The following PREP variants were observed in gnomAD, a reference collection of about 807,000 sequenced individuals.
PREP encodes the protein dJ355L5.1 (prolyl endopeptidase).
PREP carries 29 observed loss-of-function variants against 87.6 expected under a neutral mutation model. The ratio of observed to expected loss-of-function variants is 0.33; its 90% CI spans 0.25 to 0.45. The LOEUF (loss-of-function observed/expected upper bound fraction) is 0.45. Among genes scored for constraint, PREP ranks in the 20% least tolerant of loss-of-function variants. The pLI, the probability that PREP is intolerant of heterozygous loss-of-function variation, is 1.00. For missense variants in PREP, 695 were observed against 886.5 expected, an observed-to-expected ratio of 0.78 and a Z score of 2.74; for synonymous variants, 337 against 328.6, an observed-to-expected ratio of 1.03 and a Z score of -0.28.
At chr6:105,293,917 C>A (rs1410763550) in intron 10 of PREP, among the ~76,000 whole-genome samples, 2 of 152,154 alleles carry the variant, frequency 1.3e-5, no homozygotes, top group Non-Finnish European at 2.9e-5. Context: ...TTGATTTAAC[C>A]AAAACTGGTT....
chr6:105,323,501 G>A (rs748888896), intron 10 of PREP, among the ~76,000 whole-genome samples, 164 bp downstream of exon 10: 2 of 152,168 alleles, frequency 1.3e-5, no homozygotes, highest in Admixed American at 6.5e-5. Flanking sequence ...CCAGCTCACT[G>A]CTGAATCCTG....
At chr6:105,397,655 C>T (rs553967645) in intron 2 of PREP, among the ~76,000 whole-genome samples, 198 bp downstream of exon 2, 11 of 152,286 alleles carry the variant, frequency 7.2e-5, no homozygotes, top group African/African-American at 2.2e-4. Context: ...CTTAGGTGAT[C>T]TTCTCTGGGA....
intron 6 of PREP, among the ~76,000 whole-genome samples, chr6:105,367,310 A>G (rs141817875): frequency 4.9e-4 from 75 of 152,324 alleles, no homozygotes; most frequent in African/African-American, 1.7e-3. Context: ...CAGTCTCCAA[A>G]TAGATCTCAG....
At chr6:105,307,154 A>G (rs1017745044) in intron 10 of PREP, among the ~76,000 whole-genome samples, 15 of 152,190 alleles carry the variant, frequency 9.9e-5, no homozygotes, top group African/African-American at 3.4e-4. Context: ...CAGACTCTGG[A>G]TGCTTACAGC....
rs1043119519 is a variant in PREP, at chr6:105,302,487, G to A, written c.1318-13593C>T. The A allele has an allele frequency of 1.4e-5, 5 of 350,446 alleles. 1 individual carries two copies. The highest frequency in any genetic ancestry group is 7.7e-5 in the East Asian group (1 of 12,982). 21.7% of individuals were successfully genotyped at this position (350,446 alleles called of 1,614,324 possible). A position where few individuals can be genotyped will look rare whatever the true frequency, so the allele number is the denominator to read the frequency against. On this transcript the variant is annotated intron_variant, in intron 10 of 14. Transcript: ENST00000652536. ...CACTGTGTACTTCTGCAGCGGGTAC[G>A]GCCGCTCCTTCCGCGGCTGCTGCTT...
At position 105,383,449 on chromosome 6, in the gene PREP, T is replaced by C. The variant is rs1772902340; in HGVS notation, c.121-5930A>G. Among the ~76,000 whole-genome samples the C allele has an allele frequency of 3.3e-5, 5 of 152,128 alleles. No homozygotes were observed. In the South Asian group the frequency reaches 1.0e-3, roughly 32 times the overall value. ...TTTTCCTGGCCCACAAGCAACCCCC[T>C]ACTCATTCTCAAGGTGGAGAAATAT... is the stretch of plus-strand genomic sequence containing the variant. On this transcript the variant is annotated intron_variant, in intron 2 of 14. Coordinates refer to ENST00000652536, the MANE Select transcript of PREP (RefSeq NM_002726.5).
At chr6:105,309,884 T>C (rs1770726819) in intron 10 of PREP, among the ~76,000 whole-genome samples, 1 of 152,226 alleles carries the variant, frequency 6.6e-6, no homozygotes, top group Non-Finnish European at 1.5e-5. Context: ...CAAGGCAATC[T>C]AGTTTCTCTC....
intron 2 of PREP, among the ~76,000 whole-genome samples, chr6:105,388,131 G>C (rs1283323582): frequency 2.0e-5 from 3 of 152,140 alleles, no homozygotes; most frequent in African/African-American, 7.2e-5. Context: ...TAGCTGTGCT[G>C]CCACTACAGA....
chr6:105,336,777 T>C (rs539089007), intron 7 of PREP, among the ~76,000 whole-genome samples: 125 of 152,270 alleles, frequency 8.2e-4, no homozygotes, highest in African/African-American at 2.9e-3. Flanking sequence ...AGTTTATCAT[T>C]TTTGGAAAGA....
intron 6 of PREP, among the ~76,000 whole-genome samples, chr6:105,358,665 G>A (rs747117937): frequency 2.6e-5 from 4 of 152,108 alleles, no homozygotes; most frequent in Admixed American, 6.5e-5. Flanking sequence ...GAAGGTGGGA[G>A]GAGCACTCAC....
At position 105,288,870 on chromosome 6, in the gene PREP, T is replaced by A. The variant is rs1770242467; in HGVS notation, c.1342A>T (p.Thr448Ser). 1 of 1,613,106 alleles carries A rather than the reference T, an allele frequency of 6.2e-7. No individual in the cohort carries two copies. The highest frequency in any genetic ancestry group is 1.7e-5 in the Admixed American group (1 of 60,002). ...VQIFYPSKDG[T>S]KIPMFIVHKK... ...TGCACAATGAACATTGGAATCTTCG[T>A]ACCATCCTTGCTAGGGTAGAAAATC... Residue 448 changes from threonine to serine, a missense_variant, in exon 11 of 15, where the codon ACG (threonine) becomes TCG (serine). Physicochemically the swap from Thr to Ser is moderately conservative, Grantham distance 58. Around this residue, in one of 5 missense-constraint regions of PREP, gnomAD observed 517 missense variants for 620.3 expected, o/e 0.83. Transcript: ENST00000652536.
At chr6:105,399,408 T>C (rs1773366144) in intron 1 of PREP, among the ~76,000 whole-genome samples, 1 of 152,166 alleles carries the variant, frequency 6.6e-6, no homozygotes, top group Non-Finnish European at 1.5e-5. Context: ...CCTTGTCTGA[T>C]GCCAGGTCAA....
At chr6:105,302,307 CATG>C (rs984470724) in intron 10 of PREP, 2 of 168,502 alleles carry the variant, frequency 1.2e-5, no homozygotes, top group African/African-American at 4.8e-5. Context: ...ATGAGAACCA[CATG>C]ATGAGTCCAT....
rs553350967 is a variant in PREP, at chr6:105,360,948, C to A, written c.718-7871G>T. On this transcript the variant is annotated intron_variant, in intron 6 of 14. Transcript: ENST00000652536. ...CTTTACACACACACATACATATGTA[C>A]ACACACATATATATACACACATATA... 5.9e-5 allele frequency among the ~76,000 whole-genome samples: 9 copies of A among 152,258 alleles called. No individual in the cohort carries two copies. The South Asian group carries it at 1.7e-3, about 28-fold the overall frequency.
At chr6:105,333,106 C>A (rs55871827) in intron 8 of PREP, among the ~76,000 whole-genome samples, 8,611 of 152,200 alleles carry the variant, frequency 0.057, 284 homozygotes, top group Middle Eastern at 0.095. Flanking sequence ...TTTATGAAGA[C>A]CTTGCATTTC....
intron 12 of PREP, 132 bp from the exon 13 acceptor site, chr6:105,282,714 TA>T (rs1387534173): frequency 1.1e-4 from 114 of 1,005,828 alleles, no homozygotes; most frequent in South Asian, 1.5e-4. Context: ...ACACTGCATT[TA>T]AAAAAAAGCC....
rs541501250 is a variant in PREP at position 105,302,111 on chromosome 6, T to C, written c.1318-13217A>G. ...CATCTTCAGTTCCACTGGTCTGATCTCTTTGTAGTTAATGAAGACACACAA... is the reference window on the plus strand; with the variant it reads ...CATCTTCAGTTCCACTGGTCTGATCCCTTTGTAGTTAATGAAGACACACAA... On this transcript the variant is annotated intron_variant, in intron 10 of 14. Transcript: ENST00000652536. Among the ~76,000 whole-genome samples, 34 of 152,294 alleles carry C rather than the reference T, an allele frequency of 2.2e-4. 2 individuals carry two copies. In the South Asian group the frequency reaches 7.0e-3, roughly 32 times the overall value.
intron 7 of PREP, among the ~76,000 whole-genome samples, chr6:105,352,207 G>A (rs1771975436): frequency 6.6e-6 from 1 of 152,138 alleles, no homozygotes; most frequent in African/African-American, 2.4e-5. Flanking sequence ...CCTTATCGGG[G>A]TGCCAGTATG....
chr6:105,358,744 C>T (rs1015699499), intron 6 of PREP, among the ~76,000 whole-genome samples: 7 of 152,118 alleles, frequency 4.6e-5, no homozygotes, highest in Admixed American at 3.3e-4. Context: ...AAAGTTTCCT[C>T]GAATTTAACT....
Sources: allele counts gnomAD v4.1 joint callset (sites outside exome capture counted in the v4.1 genomes callset), GRCh38; gene constraint gnomAD v4.1.1; regional missense constraint gnomAD v4.1.1; transcripts MANE v1.5; gene names NCBI Gene and HGNC (gene_info 2026-07-23, HGNC 2026-07-21).